The following COLEC12 variants were observed in gnomAD, a reference collection of about 807,000 sequenced individuals.
The protein encoded by COLEC12 is collectin subfamily member 12.
A neutral mutation model predicts 71.1 loss-of-function variants in COLEC12; 33 were observed. That is an observed-to-expected ratio of 0.46 (90% CI 0.35 to 0.62). The LOEUF is 0.62. Ranked by LOEUF, COLEC12 falls within the 20% of genes least tolerant of loss-of-function variation. COLEC12 has a pLI of 0.00. For synonymous variants in COLEC12, 350 were observed against 353.0 expected, an observed-to-expected ratio of 0.99 and a Z score of 0.10; for missense variants, 765 against 916.1, an observed-to-expected ratio of 0.84 and a Z score of 2.13.
rs1387343759 is a variant in COLEC12, at chr18:480,129, AG to A, written c.58+577del. Among the ~76,000 whole-genome samples, 1 of 152,184 alleles carries A rather than the reference AG, an allele frequency of 6.6e-6. No individual in the cohort carries two copies. The highest frequency in any genetic ancestry group is 1.5e-5 in the Non-Finnish European group (1 of 68,028). On this transcript the variant is annotated intron_variant, in intron 2 of 9. Transcript: ENST00000400256. The surrounding 1 kb of genome is among the most constrained non-coding windows in gnomAD (Gnocchi z 4.1). ...CTTTCAGGGCCCACCCAGGTAACCC[AG>A]GATCATCTCCCCATCTCAAGCTCTT...
Position 500,443 on chromosome 18 carries a change from G to GCCCC in COLEC12, c.7+64_7+65insGGGG. The GCCCC allele has an allele frequency of 2.1e-6, 2 of 954,890 alleles. No individual in the cohort carries two copies. The highest frequency in any genetic ancestry group is 6.9e-5 in the East Asian group (1 of 14,420). The allele number at this position is 954,890 out of a possible 1,614,324, so 59.2% of individuals were successfully genotyped here. A position where few individuals can be genotyped will look rare whatever the true frequency, so the allele number is the denominator to read the frequency against. On this transcript the variant is annotated intron_variant, in intron 1 of 9. Transcript: ENST00000400256. This position sits in a 1 kb window ranked among gnomAD's most constrained non-coding sequence, Gnocchi z 5.3. ...GGTTCGCGCGGGAGGCACCTCCGTG[G>GCCCC]CCTCCCGCGCGCCCCGAAGCCCGTT...
chr18:481,161 C>T (rs1477743529), intron 1 of COLEC12, among the ~76,000 whole-genome samples: 3 of 152,042 alleles, frequency 2.0e-5, no homozygotes, highest in Non-Finnish European at 4.4e-5. Flanking sequence ...AATAATCGAC[C>T]GCCAAAGGGG....
Position 335,089 on chromosome 18 carries a change from G to A in COLEC12, c.1469C>T (p.Ala490Val), listed in dbSNP as rs772829011. Residue 490 changes from alanine to valine, a missense_variant, in exon 6 of 10, where the codon GCT (alanine) becomes GTT (valine). Transcript: ENST00000400256. ...PAGERGPIGP[A>V]GPPGERGGKG... Reference sequence around the variant, plus strand: ...GCCGCCACGCTCTCCGGGGGGACCAGCTGGTCCAATTGGGCCTCTCTCACC... The same window carrying A: ...GCCGCCACGCTCTCCGGGGGGACCAACTGGTCCAATTGGGCCTCTCTCACC... 3 of 1,612,156 alleles carry A rather than the reference G, an allele frequency of 1.9e-6. No individual in the cohort carries two copies. The highest frequency in any genetic ancestry group is 1.7e-5 in the Admixed American group (1 of 59,772).
Position 500,219 on chromosome 18 carries a change from C to G in COLEC12, c.7+289G>C, listed in dbSNP as rs887448441. ...GTTTTTTCAATTAAAAAGTTGGAAA[C>G]GGGAATCCGTAAACAACGACTTAGG... On this transcript the variant is annotated intron_variant, in intron 1 of 9. Transcript: ENST00000400256. This position sits in a 1 kb window ranked among gnomAD's most constrained non-coding sequence, Gnocchi z 5.3. Among the ~76,000 whole-genome samples the G allele has an allele frequency of 1.3e-5, 2 of 152,182 alleles. No individual in the cohort carries two copies. The highest frequency in any genetic ancestry group is 4.8e-5 in the African/African-American group (2 of 41,456).
At chr18:326,598 C>G (rs895224428) in intron 8 of COLEC12, among the ~76,000 whole-genome samples, 1 of 152,228 alleles carries the variant, frequency 6.6e-6, no homozygotes, top group African/African-American at 2.4e-5. Context: ...ATCCACCTGC[C>G]TTGGCCCCCC....
At chr18:335,693 C>T (rs762389475) in intron 5 of COLEC12, among the ~76,000 whole-genome samples, 2 of 152,170 alleles carry the variant, frequency 1.3e-5, no homozygotes, top group African/African-American at 2.4e-5. Flanking sequence ...CCTCCAGAAC[C>T]GTAAGGAAAG....
chr18:342,247 G>A (rs1914270939), intron 5 of COLEC12, among the ~76,000 whole-genome samples: 1 of 152,068 alleles, frequency 6.6e-6, no homozygotes, highest in Non-Finnish European at 1.5e-5. Flanking sequence ...AAGTAGAGAT[G>A]GGGTTTCTCC....
rs117809034 is a variant in COLEC12, at chr18:358,322, T to C, written c.59-800A>G. On this transcript the variant is annotated intron_variant, in intron 2 of 9. Coordinates refer to ENST00000400256, the MANE Select transcript of COLEC12 (RefSeq NM_130386.3). ...TGATTCAAATGCATTCCATTTATTG[T>C]GTACTTTATCTCTATTATTATTACA... 1.6e-3 allele frequency among the ~76,000 whole-genome samples: 241 copies of C among 152,342 alleles called. 5 individuals carry two copies. The East Asian group carries it at 0.042, about 26-fold the overall frequency.
rs1270445070 is a variant in COLEC12, at chr18:346,903, T to C, written c.719A>G (p.Asp240Gly). 16 of 1,614,144 alleles carry C rather than the reference T, an allele frequency of 9.9e-6. No individual in the cohort carries two copies. Among genetic ancestry groups the C allele is most frequent in the South Asian group, 7.7e-5 (7 of 91,084 alleles). The change falls in exon 5 of 10, where the codon GAC (aspartate) becomes GGC (glycine). Residue 240 changes from aspartate to glycine, a missense_variant. Asp to Gly is a moderately conservative substitution (Grantham distance 94). Transcript: ENST00000400256. The surrounding 1 kb of genome is among the most constrained non-coding windows in gnomAD (Gnocchi z 4.0). ...TSQAIQRIKN[D>G]FQNLQQVFLQ... is the part of the protein sequence containing the mutation. Reference sequence around the variant, plus strand: ...AAAAACCTGCTGCAGATTTTGAAAGTCGTTCTTGATTCGCTGGATAGCCTG... The same window carrying C: ...AAAAACCTGCTGCAGATTTTGAAAGCCGTTCTTGATTCGCTGGATAGCCTG...
chr18:375,806 A>G (rs1276649329), intron 2 of COLEC12, among the ~76,000 whole-genome samples: 2 of 152,372 alleles, frequency 1.3e-5, no homozygotes, highest in African/African-American at 2.4e-5. Flanking sequence ...CCCAGAGGCT[A>G]GAAGATGGTT....
At chr18:497,076 A>G (rs1917725342) in intron 1 of COLEC12, among the ~76,000 whole-genome samples, 1 of 152,180 alleles carries the variant, frequency 6.6e-6, no homozygotes, top group Non-Finnish European at 1.5e-5. Flanking sequence ...AGCAACGGGG[A>G]AAGTCATTTT....
At chr18:342,383 G>C (rs1475178222) in intron 5 of COLEC12, among the ~76,000 whole-genome samples, 1 of 152,248 alleles carries the variant, frequency 6.6e-6, no homozygotes, top group Non-Finnish European at 1.5e-5. Context: ...GGCACAGTCA[G>C]TCAGCTTCAG....
intron 5 of COLEC12, among the ~76,000 whole-genome samples, chr18:337,006 G>C (rs1025450911): frequency 4.0e-5 from 6 of 151,244 alleles, no homozygotes; most frequent in African/African-American, 1.2e-4. Context: ...CTAGAGGCTT[G>C]TGCCACATTG....
chr18:320,283 G>A (rs1327729761), intron 9 of COLEC12, among the ~76,000 whole-genome samples: 4 of 152,258 alleles, frequency 2.6e-5, no homozygotes, highest in Non-Finnish European at 2.9e-5. Flanking sequence ...CCTATTCTGG[G>A]AAAGCCTGGT....
At chr18:342,466 A>G (rs1412910533) in intron 5 of COLEC12, among the ~76,000 whole-genome samples, 3 of 152,262 alleles carry the variant, frequency 2.0e-5, no homozygotes, top group Non-Finnish European at 4.4e-5. Flanking sequence ...ATCAAGTGCG[A>G]GTCAACAGGA....
chr18:388,158 G>T (rs1031689870), intron 2 of COLEC12, among the ~76,000 whole-genome samples: 2 of 152,118 alleles, frequency 1.3e-5, no homozygotes, highest in African/African-American at 4.8e-5. Flanking sequence ...GGAACAAAAA[G>T]AACTTGGTAA....
In COLEC12 at chr18:331,768, T is replaced by C; in HGVS notation, c.1963A>G (p.Lys655Glu). 6.2e-7 allele frequency: 1 copy of C among 1,611,248 alleles called. No individual in the cohort carries two copies. Among genetic ancestry groups the C allele is most frequent in the Non-Finnish European group, 8.5e-7 (1 of 1,177,290 alleles). Residue 655 changes from lysine (K) to glutamate (E), a missense_variant, in exon 8 of 10, where the codon AAA (lysine) becomes GAA (glutamate). Coordinates refer to ENST00000400256, the MANE Select transcript of COLEC12 (RefSeq NM_130386.3). ...INTREEQQWI[K>E]KQMVGRESHW... ...CTCTCTCTCCCTACCATCTGTTTTT[T>C]TATCCATTGCTGAAAAACAAAGCAG...
At chr18:432,509 A>C (rs1916324149) in intron 2 of COLEC12, among the ~76,000 whole-genome samples, 1 of 152,206 alleles carries the variant, frequency 6.6e-6, no homozygotes, top group South Asian at 2.1e-4. Context: ...TGCTGTATCC[A>C]AATTCATTCC....
At chr18:348,565 C>T (rs1423348317) in intron 3 of COLEC12, among the ~76,000 whole-genome samples, 3 of 152,198 alleles carry the variant, frequency 2.0e-5, no homozygotes, top group Non-Finnish European at 4.4e-5. Context: ...GCTTCCCTAA[C>T]ATTCTTGGCA....
Sources: allele counts gnomAD v4.1 joint callset (sites outside exome capture counted in the v4.1 genomes callset), GRCh38; gene constraint gnomAD v4.1.1; non-coding constraint Gnocchi (gnomAD v3.1); transcripts MANE v1.5; gene names NCBI Gene and HGNC (gene_info 2026-07-23, HGNC 2026-07-21).